GARNL3: variants seen among roughly 807,000 people sequenced by gnomAD.
GARNL3 encodes GTPase-activating Rap/Ran-GAP domain-like protein 3.
In GARNL3, 63 loss-of-function variants were observed where a neutral mutation model predicts 125.0. The observed-to-expected ratio is 0.50, with a 90% CI of 0.41 to 0.62. The LOEUF (loss-of-function observed/expected upper bound fraction) is 0.62. Ranked by LOEUF, GARNL3 falls within the 20% of genes least tolerant of loss-of-function variation. The pLI is 0.00. For synonymous variants in GARNL3, 439 were observed against 457.5 expected (o/e 0.96, Z 0.52); for missense variants, 994 against 1,244.0 (o/e 0.80, Z 3.02).
At chr9:127,285,018 A>G (rs1564880164) in intron 1 of GARNL3, among the ~76,000 whole-genome samples, 1 of 152,042 alleles carries the variant, frequency 6.6e-6, no homozygotes, top group Non-Finnish European at 1.5e-5. Flanking sequence ...ATATTTTCTG[A>G]TTTTCAGTTT....
At chr9:127,327,639 TC>T (rs944081868) in intron 7 of GARNL3, among the ~76,000 whole-genome samples, 26 of 152,256 alleles carry the variant, frequency 1.7e-4, no homozygotes, top group Middle Eastern at 3.4e-3. Flanking sequence ...GTTCAAGTGA[TC>T]CTCCCGGCTC....
chr9:127,243,097 A>G, exon 2 of GARNL3: 2 of 1,361,696 alleles, frequency 1.5e-6, no homozygotes, highest in Non-Finnish European at 2.0e-6. Context: ...CCCAGCCTCC[A>G]GGCCCACTGA....
At chr9:127,291,085 A>T in intron 1 of GARNL3, 83 bp from the exon 2 acceptor site, 1 of 1,395,380 alleles carries the variant, frequency 7.2e-7, no homozygotes, top group Non-Finnish European at 1.0e-6. Context: ...GTGTCCTTAG[A>T]TGTGGCTTAC....
chr9:127,289,513 G>A (rs578160963), intron 1 of GARNL3, among the ~76,000 whole-genome samples: 24 of 152,342 alleles, frequency 1.6e-4, no homozygotes, highest in African/African-American at 5.5e-4. Context: ...CATCAGCACC[G>A]AGTGGAATGT....
chr9:127,264,492 T>C (rs2063659684), upstream of GARNL3: 1 of 987,084 alleles, frequency 1.0e-6, no homozygotes, highest in Non-Finnish European at 1.2e-6. Context: ...ACTTAAAATA[T>C]AGCATTAAAT....
intron 1 of GARNL3, among the ~76,000 whole-genome samples, chr9:127,267,855 G>A (rs966016587): frequency 7.9e-5 from 12 of 152,180 alleles, no homozygotes; most frequent in Admixed American, 1.3e-4. Flanking sequence ...CCAGAAAGGC[G>A]TCTAAGATTA....
intron 1 of GARNL3, among the ~76,000 whole-genome samples, chr9:127,290,221 A>G (rs1022999739): frequency 6.6e-6 from 1 of 152,250 alleles, no homozygotes; most frequent in African/African-American, 2.4e-5. Context: ...TATCGTAGGA[A>G]AAATTTATCA....
intron 2 of GARNL3, among the ~76,000 whole-genome samples, chr9:127,254,783 A>C (rs2063468241): frequency 6.6e-6 from 1 of 151,890 alleles, no homozygotes. Context: ...AAAAAAAAAA[A>C]CTACCAATTA....
At chr9:127,324,710 A>G (rs2065511038) in intron 6 of GARNL3, among the ~76,000 whole-genome samples, 1 of 152,248 alleles carries the variant, frequency 6.6e-6, no homozygotes, top group Admixed American at 6.5e-5. Flanking sequence ...TCTTCCACAC[A>G]CGCTGACAGT....
intron 1 of GARNL3, among the ~76,000 whole-genome samples, chr9:127,273,261 C>G (rs995981825): frequency 6.6e-5 from 10 of 152,102 alleles, no homozygotes; most frequent in African/African-American, 2.4e-4. Context: ...TCCGAGAGCC[C>G]CTGCGCTTAA....
intron 6 of GARNL3, 140 bp from the exon 7 acceptor site, chr9:127,324,929 A>C: frequency 1.2e-6 from 1 of 833,876 alleles, no homozygotes; most frequent in Admixed American, 2.6e-5. Context: ...TTTTTCCCCC[A>C]AACAAAGCTC....
upstream of GARNL3, chr9:127,263,572 C>T (rs191273205): frequency 3.3e-5 from 16 of 484,458 alleles, no homozygotes; most frequent in East Asian, 1.5e-4. Flanking sequence ...AGAAAATAGG[C>T]GTAGAGGACA....
At chr9:127,238,678 T>G (rs1161702779) in intron 1 of GARNL3, among the ~76,000 whole-genome samples, 1 of 152,238 alleles carries the variant, frequency 6.6e-6, no homozygotes, top group African/African-American at 2.4e-5. Context: ...ATATTTATCC[T>G]AGAGCCTTCT....
intron 13 of GARNL3, among the ~76,000 whole-genome samples, chr9:127,340,961 C>G (rs565485619): frequency 6.6e-6 from 1 of 152,282 alleles, no homozygotes; most frequent in Admixed American, 6.5e-5. Context: ...TTGGTAGCCT[C>G]TCTTCCATAG....
intron 2 of GARNL3, among the ~76,000 whole-genome samples, chr9:127,311,127 G>C (rs1446629295): frequency 6.6e-6 from 1 of 151,834 alleles, no homozygotes; most frequent in East Asian, 1.9e-4. Flanking sequence ...AATAACACAG[G>C]ATTATATTTA....
intron 3 of GARNL3, 64 bp from the exon 4 acceptor site, chr9:127,313,377 C>T (rs1396647694): frequency 2.6e-6 from 3 of 1,137,678 alleles, no homozygotes. Context: ...CCTGCAGTGT[C>T]CTCTACCATC....
Position 127,340,490 on chromosome 9 carries a change from T to C in GARNL3, c.1135+739T>C, listed in dbSNP as rs1449668567. Among the ~76,000 whole-genome samples, 2 of 152,008 alleles carry C rather than the reference T, an allele frequency of 1.3e-5. 1 individual carries two copies. Among genetic ancestry groups the C allele is most frequent in the Non-Finnish European group, 2.9e-5 (2 of 68,006 alleles). ...TGGCAGGGCTGCTTGGTCTATGCCCTCCATGAAGATACTGCTTTCCAGCCT... is the reference window on the plus strand; with the variant it reads ...TGGCAGGGCTGCTTGGTCTATGCCCCCCATGAAGATACTGCTTTCCAGCCT... On this transcript the variant is annotated intron_variant, in intron 13 of 27. Transcript: ENST00000373387.
chr9:127,338,794 G>A (rs1829692374), intron 12 of GARNL3, among the ~76,000 whole-genome samples: 1 of 152,154 alleles, frequency 6.6e-6, no homozygotes, highest in Non-Finnish European at 1.5e-5. Flanking sequence ...AGGAAGACCT[G>A]GTCTCTATCC....
chr9:127,277,516 T>G (rs1262433839), intron 1 of GARNL3, among the ~76,000 whole-genome samples: 1 of 151,746 alleles, frequency 6.6e-6, no homozygotes, highest in Non-Finnish European at 1.5e-5. Context: ...ATCATCTTTA[T>G]GCATTCAAGC....
Sources: gnomAD v4.1 joint callset for allele counts (sites outside exome capture counted in the v4.1 genomes callset) on GRCh38, gnomAD v4.1.1 for gene constraint, MANE v1.5 for transcripts, NCBI Gene and HGNC (gene_info 2026-07-23, HGNC 2026-07-21) for gene names.